UBR3: variants seen among roughly 807,000 people sequenced by gnomAD.
UBR3 encodes the protein ubiquitin protein ligase E3 component n-recognin 3.
UBR3 carries 85 observed loss-of-function variants against 243.2 expected under a neutral mutation model. The observed-to-expected ratio is 0.35, with a 90% CI of 0.29 to 0.42. UBR3 has a LOEUF of 0.42. Among genes scored for constraint, UBR3 ranks in the 10% least tolerant of loss-of-function variants. The pLI is 1.00. For missense variants in UBR3, 1,686 were observed against 2,300.8 expected (o/e 0.73, Z 5.47); for synonymous variants, 748 against 799.8 (o/e 0.94, Z 1.09).
intron 28 of UBR3, among the ~76,000 whole-genome samples, chr2:170,008,062 A>G (rs1268296304): frequency 3.3e-5 from 5 of 152,306 alleles, no homozygotes; most frequent in South Asian, 4.1e-4. Flanking sequence ...GAGATAAAAT[A>G]TTGTGTAATT....
chr2:169,884,123 G>A (rs951030281), intron 5 of UBR3, among the ~76,000 whole-genome samples: 10 of 149,808 alleles, frequency 6.7e-5, no homozygotes, highest in African/African-American at 1.2e-4. Flanking sequence ...GTGAGCCACC[G>A]TGCCCAGCCT....
intron 22 of UBR3, 33 bp downstream of exon 22, chr2:169,947,748 A>C: frequency 7.0e-7 from 1 of 1,422,988 alleles, no homozygotes; most frequent in Non-Finnish European, 9.2e-7. Context: ...AAATAAGAAA[A>C]AGCTTTATGT....
chr2:169,873,777 C>G (rs932611138), intron 2 of UBR3, among the ~76,000 whole-genome samples: 1 of 152,148 alleles, frequency 6.6e-6, no homozygotes, highest in Non-Finnish European at 1.5e-5. Context: ...AATGAAGGAA[C>G]CAGTTACTAG....
At chr2:169,868,142 A>G (rs73024473) in intron 1 of UBR3, among the ~76,000 whole-genome samples, 6,620 of 152,204 alleles carry the variant, frequency 0.043, 167 homozygotes, top group Middle Eastern at 0.068. Flanking sequence ...ATATCTATCC[A>G]CATTCTTTTT....
chr2:169,990,422 A>G (rs1424866976), intron 25 of UBR3, among the ~76,000 whole-genome samples: 1 of 152,132 alleles, frequency 6.6e-6, no homozygotes, highest in African/African-American at 2.4e-5. Flanking sequence ...AAAGATTCAG[A>G]AAGTCCAAAG....
chr2:169,883,398 G>A (rs914790645), intron 5 of UBR3, among the ~76,000 whole-genome samples: 1 of 152,226 alleles, frequency 6.6e-6, no homozygotes, highest in Non-Finnish European at 1.5e-5. Flanking sequence ...AAGCTGTAGA[G>A]CCTTTTCTGA....
At chr2:170,074,546 C>G (rs1432508795) in intron 36 of UBR3, among the ~76,000 whole-genome samples, 1 of 152,134 alleles carries the variant, frequency 6.6e-6, no homozygotes, top group Admixed American at 6.6e-5. Context: ...TTGCTCAAAT[C>G]ACAAAAGAAT....
In UBR3 at chr2:169,927,160, C is replaced by T. The variant is rs530694072; in HGVS notation, c.2339-160C>T. On this transcript the variant is annotated intron_variant, in intron 16 of 38. Transcript: ENST00000272793. Reference sequence around the variant, plus strand: ...ATCCTTTGCTTAAGGGAACTGCAAACAGCAGTTAAACTGCAGTTATGTTTG... The same window carrying T: ...ATCCTTTGCTTAAGGGAACTGCAAATAGCAGTTAAACTGCAGTTATGTTTG... Among the ~76,000 whole-genome samples the T allele has an allele frequency of 3.0e-4, 46 of 152,344 alleles. No individual in the cohort carries two copies. In the Middle Eastern group the frequency reaches 0.014, roughly 45 times the overall value.
intron 26 of UBR3, among the ~76,000 whole-genome samples, chr2:170,000,529 T>C (rs1442176716): frequency 6.6e-6 from 1 of 152,252 alleles, no homozygotes; most frequent in Non-Finnish European, 1.5e-5. Flanking sequence ...CTTGGCTTTC[T>C]GACTTGGTGA....
intron 24 of UBR3, among the ~76,000 whole-genome samples, chr2:169,962,752 T>C (rs2087637384): frequency 6.6e-6 from 1 of 152,198 alleles, no homozygotes; most frequent in African/African-American, 2.4e-5. Context: ...GGTGTTTCTT[T>C]TTTTTCTTTA....
intron 30 of UBR3, among the ~76,000 whole-genome samples, chr2:170,027,284 C>A (rs1051400838): frequency 6.6e-6 from 1 of 150,768 alleles, no homozygotes; most frequent in Non-Finnish European, 1.5e-5. Flanking sequence ...TATAATAGAC[C>A]AGAAAGATGA....
chr2:169,846,294 T>C (rs2082475158), intron 1 of UBR3, among the ~76,000 whole-genome samples: 1 of 152,248 alleles, frequency 6.6e-6, no homozygotes, highest in African/African-American at 2.4e-5. Context: ...TTCTTTATCA[T>C]TATATAATGT....
intron 25 of UBR3, among the ~76,000 whole-genome samples, chr2:169,992,334 A>T (rs2089310291): frequency 6.6e-6 from 1 of 152,220 alleles, no homozygotes; most frequent in African/African-American, 2.4e-5. Flanking sequence ...TCATTTAAAG[A>T]ATTAACACCA....
intron 22 of UBR3, chr2:169,949,379 A>ATGT (rs1048151388): frequency 1.3e-5 from 5 of 399,444 alleles, no homozygotes; most frequent in African/African-American, 2.1e-5. Context: ...TGAAAAGGAG[A>ATGT]TGTTACTGCT....
chr2:169,966,301 A>C (rs2087806788), intron 24 of UBR3, among the ~76,000 whole-genome samples: 1 of 152,200 alleles, frequency 6.6e-6, no homozygotes. Context: ...TTACGTTCCC[A>C]GTGAGAGTTC....
At chr2:169,852,033 C>T (rs892917950) in intron 1 of UBR3, among the ~76,000 whole-genome samples, 2 of 151,948 alleles carry the variant, frequency 1.3e-5, no homozygotes, top group Middle Eastern at 3.4e-3. Flanking sequence ...TTTTTTTTCC[C>T]GGTAATTGTT....
At chr2:170,030,145 T>C (rs6758851) in intron 31 of UBR3, among the ~76,000 whole-genome samples, 7,883 of 152,190 alleles carry the variant, frequency 0.052, 391 homozygotes, top group African/African-American at 0.13. Flanking sequence ...TGATACAAAT[T>C]GTTCCCTTTT....
At chr2:170,064,412 A>T (rs1156647954) in intron 35 of UBR3, among the ~76,000 whole-genome samples, 1 of 152,072 alleles carries the variant, frequency 6.6e-6, no homozygotes, top group South Asian at 2.1e-4. Flanking sequence ...CACAAAAATT[A>T]AAAATTAAAA....
At chr2:170,036,898 C>G (rs1451477204) in intron 31 of UBR3, among the ~76,000 whole-genome samples, 1 of 152,110 alleles carries the variant, frequency 6.6e-6, no homozygotes, top group Non-Finnish European at 1.5e-5. Flanking sequence ...TACTTTCATA[C>G]TTAGAATGCC....
Sources: allele counts gnomAD v4.1 joint callset (sites outside exome capture counted in the v4.1 genomes callset), GRCh38; gene constraint gnomAD v4.1.1; transcripts MANE v1.5; gene names NCBI Gene and HGNC (gene_info 2026-07-23, HGNC 2026-07-21).